The following DYNC1H1 variants were observed in gnomAD, a reference collection of about 807,000 sequenced individuals.
The protein encoded by DYNC1H1 is cytoplasmic dynein 1 heavy chain 1.
DYNC1H1 carries 51 observed loss-of-function variants against 527.1 expected under a neutral mutation model. The observed-to-expected ratio is 0.10, with a 90% CI of 0.08 to 0.12. The LOEUF is 0.12. Ranked by LOEUF, DYNC1H1 falls within the 10% of genes least tolerant of loss-of-function variation. The probability of loss-of-function intolerance (pLI) is 1.00; values close to 1 mark genes in which losing one functional copy is unlikely to be tolerated. For synonymous variants in DYNC1H1, 2,189 were observed against 2,278.8 expected, an observed-to-expected ratio of 0.96 and a Z score of 1.12; for missense variants, 2,771 against 5,971.8, an observed-to-expected ratio of 0.46 and a Z score of 17.66.
At chr14:101,994,447 T>C (rs1455187523) in intron 12 of DYNC1H1, 123 bp downstream of exon 12, 2 of 1,465,490 alleles carry the variant, frequency 1.4e-6, no homozygotes, top group African/African-American at 1.4e-5. Context: ...TAGATACTAT[T>C]TGCTGTTTCA....
Position 101,983,345 on chromosome 14 carries a change from C to T in DYNC1H1, c.1234-37C>T, listed in dbSNP as rs191457034. 3 of 1,613,792 alleles carry T rather than the reference C, an allele frequency of 1.9e-6. No homozygotes were observed. Among genetic ancestry groups the T allele is most frequent in the Non-Finnish European group, 2.5e-6 (3 of 1,179,890 alleles). Reference sequence around the variant, plus strand: ...TCAAGACATTGAGATGAAAATATGTCTTAATAATAAGCCTCACTTTTGAAA... The same window carrying T: ...TCAAGACATTGAGATGAAAATATGTTTTAATAATAAGCCTCACTTTTGAAA... On this transcript the variant is annotated intron_variant, in intron 6 of 77. Coordinates refer to ENST00000360184, the MANE Select transcript of DYNC1H1 (RefSeq NM_001376.5). This position sits in a 1 kb window ranked among gnomAD's most constrained non-coding sequence, Gnocchi z 5.3.
At position 102,033,249 on chromosome 14, in the gene DYNC1H1, T is replaced by C. The variant is rs780287500; in HGVS notation, c.10198-20T>C. ...CTTTTCCTGTCACTTAAATAACAGT[T>C]ATCAATTGGTTCTTCCCAGCTTAAC... is the stretch of plus-strand genomic sequence containing the variant. On this transcript the variant is annotated intron_variant, in intron 53 of 77. Transcript: ENST00000360184. This position sits in a 1 kb window ranked among gnomAD's most constrained non-coding sequence, Gnocchi z 5.6. 9.3e-6 allele frequency: 15 copies of C among 1,614,150 alleles called. 1 individual carries two copies. The South Asian group carries it at 1.6e-4, about 18-fold the overall frequency.
In DYNC1H1 at chr14:101,979,067, G is replaced by A. The variant is rs986678166; in HGVS notation, c.345-252G>A. Among the ~76,000 whole-genome samples, 1 of 152,124 alleles carries A rather than the reference G, an allele frequency of 6.6e-6. No homozygotes were observed. The highest frequency in any genetic ancestry group is 2.4e-5 in the African/African-American group (1 of 41,402). On this transcript the variant is annotated intron_variant, in intron 2 of 77. Transcript: ENST00000360184. This position sits in a 1 kb window ranked among gnomAD's most constrained non-coding sequence, Gnocchi z 4.6. ...TTTAAGTACTACTTATATTTCTAGGGCAGGTTAGTTTTAGGCCAATATTAC... is the reference window on the plus strand; with the variant it reads ...TTTAAGTACTACTTATATTTCTAGGACAGGTTAGTTTTAGGCCAATATTAC...
In DYNC1H1 at chr14:102,012,636, C is replaced by T; in HGVS notation, c.7014+166C>T. The T allele has an allele frequency of 1.1e-6, 1 of 930,798 alleles. No homozygotes were observed. The highest frequency in any genetic ancestry group is 1.4e-5 in the South Asian group (1 of 70,228). 57.7% of individuals were successfully genotyped at this position (930,798 alleles called of 1,614,324 possible). A position where few individuals can be genotyped will look rare whatever the true frequency, so the allele number is the denominator to read the frequency against. On this transcript the variant is annotated intron_variant, in intron 34 of 77. Coordinates refer to ENST00000360184, the MANE Select transcript of DYNC1H1 (RefSeq NM_001376.5). This position sits in a 1 kb window ranked among gnomAD's most constrained non-coding sequence, Gnocchi z 4.9. ...GCATCTCAACTGCTAGATTTTTTTTCCATTTCCATGGCTAGTGAGAAACAT... is the reference window on the plus strand; with the variant it reads ...GCATCTCAACTGCTAGATTTTTTTTTCATTTCCATGGCTAGTGAGAAACAT...
chr14:101,982,260 G>T (rs912277150), intron 5 of DYNC1H1, among the ~76,000 whole-genome samples: 1 of 152,072 alleles, frequency 6.6e-6, no homozygotes, highest in African/African-American at 2.4e-5. Flanking sequence ...CAAGCTCAGG[G>T]CTCCCACAGA....
At chr14:102,034,249 G>A in intron 55 of DYNC1H1, 61 bp downstream of exon 55, 1 of 1,614,222 alleles carries the variant, frequency 6.2e-7, no homozygotes, top group Non-Finnish European at 8.5e-7. Context: ...CTGGTGTTTA[G>A]TGCACAGTTA....
intron 2 of DYNC1H1, among the ~76,000 whole-genome samples, chr14:101,976,347 A>T (rs1009418801): frequency 6.6e-6 from 1 of 150,532 alleles, no homozygotes; most frequent in East Asian, 2.0e-4. Context: ...GTTTGAGACC[A>T]CCCTGACCAA....
intron 1 of DYNC1H1, among the ~76,000 whole-genome samples, chr14:101,969,831 C>G (rs1163152271): frequency 2.6e-5 from 4 of 152,222 alleles, no homozygotes; most frequent in African/African-American, 9.6e-5. Flanking sequence ...TTTTTAAAAA[C>G]TAAACATGGA....
intron 43 of DYNC1H1, 152 bp downstream of exon 43, chr14:102,023,032 G>A: frequency 8.1e-7 from 1 of 1,240,702 alleles, no homozygotes; most frequent in Non-Finnish European, 1.1e-6. Flanking sequence ...GGAGGCTGAG[G>A]CAGGAGGATC....
Position 102,034,643 on chromosome 14 carries a change from T to C in DYNC1H1, c.10754+191T>C, listed in dbSNP as rs769461680. The C allele has an allele frequency of 9.8e-6, 9 of 916,318 alleles. No individual in the cohort carries two copies. In the Admixed American group the frequency reaches 1.7e-4, roughly 17 times the overall value. The allele number at this position is 916,318 out of a possible 1,614,324, so 56.8% of individuals were successfully genotyped here. A position where few individuals can be genotyped will look rare whatever the true frequency, so the allele number is the denominator to read the frequency against. The stretch of plus-strand genomic sequence containing the variant: ...TTATTGTCAAGTGTCTGAGTTATTC[T>C]GCAGTGAATGCTTCTTGTAACCTTC... On this transcript the variant is annotated intron_variant, in intron 56 of 77. Transcript: ENST00000360184.
chr14:101,967,827 A>C (rs1291818817), intron 1 of DYNC1H1, among the ~76,000 whole-genome samples: 1 of 152,216 alleles, frequency 6.6e-6, no homozygotes, highest in Non-Finnish European at 1.5e-5. Context: ...CCCTATCTCT[A>C]AAATAAATCA....
Position 102,048,330 on chromosome 14 carries a change from G to A in DYNC1H1, c.13219-186G>A. 9 of 852,726 alleles carry A rather than the reference G, an allele frequency of 1.1e-5. No homozygotes were observed. The South Asian group carries it at 1.3e-4, about 13-fold the overall frequency. The allele number at this position is 852,726 out of a possible 1,614,324, so 52.8% of individuals were successfully genotyped here. On this transcript the variant is annotated intron_variant, in intron 73 of 77. Coordinates refer to ENST00000360184, the MANE Select transcript of DYNC1H1 (RefSeq NM_001376.5). ...TGCGACTCGGGCAGGGGCCTCAGCGGGTTTCTGAGCAGCCTCAGCTTCACA... is the reference window on the plus strand; with the variant it reads ...TGCGACTCGGGCAGGGGCCTCAGCGAGTTTCTGAGCAGCCTCAGCTTCACA...
chr14:102,016,743 CA>C lies in DYNC1H1; in HGVS notation c.7615-22del. The C allele has an allele frequency of 6.2e-7, 1 of 1,611,426 alleles. No individual in the cohort carries two copies. Among genetic ancestry groups the C allele is most frequent in the Non-Finnish European group, 8.5e-7 (1 of 1,178,946 alleles). On this transcript the variant is annotated intron_variant, in intron 37 of 77. Coordinates refer to ENST00000360184, the MANE Select transcript of DYNC1H1 (RefSeq NM_001376.5). This position sits in a 1 kb window ranked among gnomAD's most constrained non-coding sequence, Gnocchi z 7.3. ...GAGGCACCTTGGTTGCAGCCGGACTCACACTTCCATCTCCGTGTGTAGGTGT... is the reference window on the plus strand; with the variant it reads ...GAGGCACCTTGGTTGCAGCCGGACTCCACTTCCATCTCCGTGTGTAGGTGT...
Position 101,986,852 on chromosome 14 carries a change from A to C in DYNC1H1, c.2538+89A>C. The C allele has an allele frequency of 6.8e-7, 1 of 1,462,998 alleles. No homozygotes were observed. The highest frequency in any genetic ancestry group is 9.6e-7 in the Non-Finnish European group (1 of 1,046,596). The allele number at this position is 1,462,998 out of a possible 1,614,324, so 90.6% of individuals were successfully genotyped here. A position where few individuals can be genotyped will look rare whatever the true frequency, so the allele number is the denominator to read the frequency against. ...GTTAAAACACTAGTTCTCCCGAAGA[A>C]GGCATGCATGGTTGATGCAGCATAC... On this transcript the variant is annotated intron_variant, in intron 8 of 77. Coordinates refer to ENST00000360184, the MANE Select transcript of DYNC1H1 (RefSeq NM_001376.5). The surrounding 1 kb of genome is among the most constrained non-coding windows in gnomAD (Gnocchi z 8.7).
In DYNC1H1 at chr14:102,011,682, G is replaced by A. The variant is rs1169163020; in HGVS notation, c.6619-193G>A. Reference sequence around the variant, plus strand: ...AAGGAGAATCACTTGAACCTGGGAGGTGGAGCTTGCGGTGAGCTGAGATCG... The same window carrying A: ...AAGGAGAATCACTTGAACCTGGGAGATGGAGCTTGCGGTGAGCTGAGATCG... On this transcript the variant is annotated intron_variant, in intron 32 of 77. Coordinates refer to ENST00000360184, the MANE Select transcript of DYNC1H1 (RefSeq NM_001376.5). The surrounding 1 kb of genome is among the most constrained non-coding windows in gnomAD (Gnocchi z 5.3). 1.5e-5 allele frequency: 9 copies of A among 610,994 alleles called. No homozygotes were observed. The highest frequency in any genetic ancestry group is 2.3e-5 in the Non-Finnish European group (8 of 343,992). 37.8% of individuals were successfully genotyped at this position (610,994 alleles called of 1,614,324 possible). A position where few individuals can be genotyped will look rare whatever the true frequency, so the allele number is the denominator to read the frequency against.
rs2047927839 is a variant in DYNC1H1 at position 101,985,610 on chromosome 14, C to T, written c.1462-77C>T. 3.3e-6 allele frequency: 5 copies of T among 1,533,258 alleles called. No individual in the cohort carries two copies. Among genetic ancestry groups the T allele is most frequent in the African/African-American group, 2.7e-5 (2 of 73,504 alleles). The allele number at this position is 1,533,258 out of a possible 1,614,324, so 95.0% of individuals were successfully genotyped here. On this transcript the variant is annotated intron_variant, in intron 7 of 77. Coordinates refer to ENST00000360184, the MANE Select transcript of DYNC1H1 (RefSeq NM_001376.5). This position sits in a 1 kb window ranked among gnomAD's most constrained non-coding sequence, Gnocchi z 5.9. ...AAGTGCTGGGATTACAGGTGTGAGC[C>T]ACTGCACCCGGCTTAAAATAAATTT...
At position 101,965,906 on chromosome 14, in the gene DYNC1H1, G is replaced by C. The variant is rs1480589276; in HGVS notation, c.256+959G>C. ...CCAGCTGTCTCCTCAAATAATGATC[G>C]CCCACCAGCAAGGTTACATTCATCT... On this transcript the variant is annotated intron_variant, in intron 1 of 77. Coordinates refer to ENST00000360184, the MANE Select transcript of DYNC1H1 (RefSeq NM_001376.5). This position sits in a 1 kb window ranked among gnomAD's most constrained non-coding sequence, Gnocchi z 4.1. Among the ~76,000 whole-genome samples, 1 of 151,656 alleles carries C rather than the reference G, an allele frequency of 6.6e-6. No homozygotes were observed. The highest frequency in any genetic ancestry group is 1.5e-5 in the Non-Finnish European group (1 of 67,980).
Position 101,979,339 on chromosome 14 carries a change from C to T in DYNC1H1, c.365C>T (p.Thr122Ile), listed in dbSNP as rs750599686. The T allele has an allele frequency of 2.5e-6, 4 of 1,614,174 alleles. No individual in the cohort carries two copies. Among genetic ancestry groups the T allele is most frequent in the Non-Finnish European group, 3.4e-6 (4 of 1,180,024 alleles). The change falls in exon 3 of 78, where the codon ACT becomes ATT. Residue 122 changes from threonine (T) to isoleucine (I), a missense_variant. By Grantham distance (89) the Thr-to-Ile change is moderately conservative. Coordinates refer to ENST00000360184, the MANE Select transcript of DYNC1H1 (RefSeq NM_001376.5). The surrounding 1 kb of genome is among the most constrained non-coding windows in gnomAD (Gnocchi z 4.6). ...TTTAGCTTGGCATTCATTAAACGTACTCCCGTGATTGATGCAGATAAACCC... is the reference window on the plus strand; with the variant it reads ...TTTAGCTTGGCATTCATTAAACGTATTCCCGTGATTGATGCAGATAAACCC... ...KSNSLAFIKR[T>I]PVIDADKPVS... is the part of the protein sequence containing the mutation.
intron 1 of DYNC1H1, among the ~76,000 whole-genome samples, chr14:101,968,116 A>G (rs907321451): frequency 6.6e-6 from 1 of 152,138 alleles, no homozygotes; most frequent in Non-Finnish European, 1.5e-5. Context: ...TTGGTTGTGT[A>G]TCTCCGTTCG....
Sources: gnomAD v4.1 joint callset for allele counts (sites outside exome capture counted in the v4.1 genomes callset) on GRCh38, gnomAD v4.1.1 for gene constraint, Gnocchi (gnomAD v3.1) non-coding constraint, MANE v1.5 for transcripts, NCBI Gene and HGNC (gene_info 2026-07-23, HGNC 2026-07-21) for gene names.